Variants in DR1 observed in about 807,000 individuals in gnomAD.
DR1 encodes the protein protein Dr1.
A neutral mutation model predicts 19.9 loss-of-function variants in DR1; 7 were observed. That is an observed-to-expected ratio of 0.35 (90% confidence interval 0.20 to 0.66). DR1 has a LOEUF of 0.66. Among genes scored for constraint, DR1 ranks in the 30% least tolerant of loss-of-function variants. The probability of loss-of-function intolerance (pLI) is 0.66; values close to 1 mark genes in which losing one functional copy is unlikely to be tolerated. For missense variants in DR1, 98 were observed against 203.7 expected (o/e 0.48, Z 3.16); for synonymous variants, 76 against 72.5 (o/e 1.05, Z -0.24).
At chr1:93,356,815 G>A (rs944819294) in intron 2 of DR1, among the ~76,000 whole-genome samples, 4 of 151,210 alleles carry the variant, frequency 2.6e-5, no homozygotes, top group African/African-American at 4.9e-5. Context: ...TCCGCCTCCC[G>A]GGTTCAAGCG....
Position 93,360,682 on chromosome 1 carries a change from C to T in DR1, c.*43C>T. 6.4e-7 allele frequency: 1 copy of T among 1,559,838 alleles called. No individual in the cohort carries two copies. Among genetic ancestry groups the T allele is most frequent in the Non-Finnish European group, 8.6e-7 (1 of 1,161,808 alleles). On this transcript the variant is annotated 3_prime_UTR_variant, in exon 3 of 3. Transcript: ENST00000370272. ...TCTATTTCTTCTATAAATGTTTTTC[C>T]CTGCACAACAAAAACAGTGAAAGAA...
In DR1 at chr1:93,364,314, A is replaced by G. The variant is rs1007985240; in HGVS notation, c.*3675A>G. Reference sequence around the variant, plus strand: ...TTATTGCTCCTTAGAAAAAATGCAAATTTTAAGTAATCGTAAGTAGTATGT... The same window carrying G: ...TTATTGCTCCTTAGAAAAAATGCAAGTTTTAAGTAATCGTAAGTAGTATGT... On this transcript the variant is annotated 3_prime_UTR_variant, in exon 3 of 3. Coordinates refer to ENST00000370272, the MANE Select transcript of DR1 (RefSeq NM_001938.3). 2 of 152,204 alleles carry G rather than the reference A, an allele frequency of 1.3e-5. No homozygotes were observed. Among genetic ancestry groups the G allele is most frequent in the Admixed American group, 6.5e-5 (1 of 15,276 alleles). The allele number at this position is 152,204 out of a possible 1,614,324, so 9.4% of individuals were successfully genotyped here.
Position 93,366,157 on chromosome 1 carries a change from T to G in DR1, c.*5518T>G, listed in dbSNP as rs1667126669. On this transcript the variant is annotated 3_prime_UTR_variant, in exon 3 of 3. Coordinates refer to ENST00000370272, the MANE Select transcript of DR1 (RefSeq NM_001938.3). ...CTATGAATTGACTACTCTGGATATC[T>G]AAATGGATTCATTCTTATTTCATTT... The G allele has an allele frequency of 6.6e-6, 1 of 152,250 alleles. No homozygotes were observed. Among genetic ancestry groups the G allele is most frequent in the South Asian group, 2.1e-4 (1 of 4,836 alleles). 9.4% of individuals were successfully genotyped at this position (152,250 alleles called of 1,614,324 possible). A position where few individuals can be genotyped will look rare whatever the true frequency, so the allele number is the denominator to read the frequency against.
rs1294481579 is a variant in DR1 at position 93,361,732 on chromosome 1, T to C, written c.*1093T>C. On this transcript the variant is annotated 3_prime_UTR_variant, in exon 3 of 3. Coordinates refer to ENST00000370272, the MANE Select transcript of DR1 (RefSeq NM_001938.3). ...GCTTTAAAAAAAAGATTAGTTTTGC[T>C]TAAGAAGTTATGTTACAACTGATCA... is the stretch of plus-strand genomic sequence containing the variant. The C allele has an allele frequency of 6.6e-6, 1 of 152,506 alleles. No individual in the cohort carries two copies. Among genetic ancestry groups the C allele is most frequent in the African/African-American group, 2.4e-5 (1 of 41,462 alleles). The allele number at this position is 152,506 out of a possible 1,614,324, so 9.4% of individuals were successfully genotyped here.
rs980994083 is a variant in DR1 at position 93,367,639 on chromosome 1, T to A, written c.*7000T>A. On this transcript the variant is annotated 3_prime_UTR_variant, in exon 3 of 3. Transcript: ENST00000370272. ...AGAAACCAGAATACCCAGAGAAAAC[T>A]CATGCAGATATGTGGAGGACATGCA... 3 of 152,226 alleles carry A rather than the reference T, an allele frequency of 2.0e-5. No homozygotes were observed. Among genetic ancestry groups the A allele is most frequent in the African/African-American group, 7.2e-5 (3 of 41,440 alleles). 9.4% of individuals were successfully genotyped at this position (152,226 alleles called of 1,614,324 possible). A position where few individuals can be genotyped will look rare whatever the true frequency, so the allele number is the denominator to read the frequency against.
In DR1 at chr1:93,346,095, A is replaced by AGCGGCG; in HGVS notation, c.-546_-545insGGCGGC. On this transcript the variant is annotated 5_prime_UTR_variant, in exon 1 of 3. Coordinates refer to ENST00000370272, the MANE Select transcript of DR1 (RefSeq NM_001938.3). ...CGGCCGTCGCCGTTCCAGCAGCGGC[A>AGCGGCG]GCGGCAGCGGCAGCGGCGGACATGT... 1 of 208,350 alleles carries AGCGGCG rather than the reference A, an allele frequency of 4.8e-6. No individual in the cohort carries two copies. The highest frequency in any genetic ancestry group is 9.5e-6 in the Non-Finnish European group (1 of 104,868). The allele number at this position is 208,350 out of a possible 1,614,324, so 12.9% of individuals were successfully genotyped here. A position where few individuals can be genotyped will look rare whatever the true frequency, so the allele number is the denominator to read the frequency against.
chr1:93,353,105 C>T (rs941356855), intron 1 of DR1, among the ~76,000 whole-genome samples: 3 of 151,882 alleles, frequency 2.0e-5, no homozygotes, highest in South Asian at 2.1e-4. Context: ...ATGTTGCCCG[C>T]GGTGGTCTTG....
At position 93,362,413 on chromosome 1, in the gene DR1, T is replaced by G. The variant is rs1370332087; in HGVS notation, c.*1774T>G. ...ATTTTAAGTATATCTGTTTCTTAAG[T>G]AAACAACTTAGATATTTTCCACACC... On this transcript the variant is annotated 3_prime_UTR_variant, in exon 3 of 3. Transcript: ENST00000370272. 6.7e-6 allele frequency: 1 copy of G among 148,556 alleles called. No individual in the cohort carries two copies. Among genetic ancestry groups the G allele is most frequent in the Non-Finnish European group, 1.5e-5 (1 of 67,224 alleles). 9.2% of individuals were successfully genotyped at this position (148,556 alleles called of 1,614,324 possible).
Position 93,366,597 on chromosome 1 carries a change from A to G in DR1, c.*5958A>G, listed in dbSNP as rs1383553972. 6.6e-6 allele frequency: 1 copy of G among 152,232 alleles called. No individual in the cohort carries two copies. Among genetic ancestry groups the G allele is most frequent in the African/African-American group, 2.4e-5 (1 of 41,458 alleles). 9.4% of individuals were successfully genotyped at this position (152,232 alleles called of 1,614,324 possible). A position where few individuals can be genotyped will look rare whatever the true frequency, so the allele number is the denominator to read the frequency against. ...TAAATAAGAGTTAAGTCCCTATGGC[A>G]TATATTTCTGGTTACAAAAACACTA... On this transcript the variant is annotated 3_prime_UTR_variant, in exon 3 of 3. Transcript: ENST00000370272.
In DR1 at chr1:93,364,364, C is replaced by T. The variant is rs1667093261; in HGVS notation, c.*3725C>T. ...TTGAATTAGTATGTTGTGGGAAAAT[C>T]TGTGATTTAATTTTTTAATTGAATT... On this transcript the variant is annotated 3_prime_UTR_variant, in exon 3 of 3. Coordinates refer to ENST00000370272, the MANE Select transcript of DR1 (RefSeq NM_001938.3). The T allele has an allele frequency of 6.6e-6, 1 of 152,010 alleles. No individual in the cohort carries two copies. Among genetic ancestry groups the T allele is most frequent in the Admixed American group, 6.6e-5 (1 of 15,252 alleles). 9.4% of individuals were successfully genotyped at this position (152,010 alleles called of 1,614,324 possible).
At chr1:93,356,101 C>T (rs1666977369) in intron 2 of DR1, among the ~76,000 whole-genome samples, 2 of 151,932 alleles carry the variant, frequency 1.3e-5, no homozygotes, top group Admixed American at 1.3e-4. Context: ...TCTTTCACAC[C>T]CCAATTTTAG....
intron 1 of DR1, among the ~76,000 whole-genome samples, chr1:93,353,368 C>T (rs547724769): frequency 6.6e-6 from 1 of 152,224 alleles, no homozygotes; most frequent in South Asian, 2.1e-4. Context: ...TGTTGGCTGA[C>T]TATAAGTGCT....
intron 1 of DR1, among the ~76,000 whole-genome samples, chr1:93,347,879 A>G (rs1432262299): frequency 1.3e-5 from 2 of 152,072 alleles, no homozygotes; most frequent in Non-Finnish European, 2.9e-5. Context: ...CTTTTGTAAT[A>G]ATCTAATTAA....
chr1:93,360,871 G>T lies in DR1; in HGVS notation c.*232G>T. On this transcript the variant is annotated 3_prime_UTR_variant, in exon 3 of 3. Transcript: ENST00000370272. The stretch of plus-strand genomic sequence containing the variant: ...ATAATATCAATTTTGAATTTTTAAT[G>T]GTGTTTATGAAATTTTAGATAGCAG... 4.7e-6 allele frequency: 2 copies of T among 427,712 alleles called. No homozygotes were observed. Among genetic ancestry groups the T allele is most frequent in the African/African-American group, 2.1e-5 (1 of 47,950 alleles). 26.5% of individuals were successfully genotyped at this position (427,712 alleles called of 1,614,324 possible). A position where few individuals can be genotyped will look rare whatever the true frequency, so the allele number is the denominator to read the frequency against.
At chr1:93,359,842 T>C (rs1667032252) in intron 2 of DR1, among the ~76,000 whole-genome samples, 1 of 152,130 alleles carries the variant, frequency 6.6e-6, no homozygotes, top group Non-Finnish European at 1.5e-5. Context: ...TTTACTAGTG[T>C]GTATACGGGA....
rs1017383825 is a variant in DR1 at position 93,345,943 on chromosome 1, C to A, written c.-703C>A. The A allele has an allele frequency of 6.5e-6, 1 of 152,698 alleles. No homozygotes were observed. The highest frequency in any genetic ancestry group is 1.5e-5 in the Non-Finnish European group (1 of 68,258). 9.5% of individuals were successfully genotyped at this position (152,698 alleles called of 1,614,324 possible). ...CGGGAGCGGCTTCCTGCAAACCTTC[C>A]CTGGCATCTGGAGGGACCACCGTTG... is the stretch of plus-strand genomic sequence containing the variant. On this transcript the variant is annotated 5_prime_UTR_variant, in exon 1 of 3. Transcript: ENST00000370272.
At position 93,368,335 on chromosome 1, in the gene DR1, A is replaced by G. The variant is rs1177794736; in HGVS notation, c.*7696A>G. The stretch of plus-strand genomic sequence containing the variant: ...CCTTTGTATATTTTATATGAATAGC[A>G]CTTGTCACTAACATAGAAAGCAGTA... On this transcript the variant is annotated 3_prime_UTR_variant, in exon 3 of 3. Transcript: ENST00000370272. The G allele has an allele frequency of 6.6e-6, 1 of 152,240 alleles. No homozygotes were observed. Among genetic ancestry groups the G allele is most frequent in the Non-Finnish European group, 1.5e-5 (1 of 68,042 alleles). 9.4% of individuals were successfully genotyped at this position (152,240 alleles called of 1,614,324 possible). A position where few individuals can be genotyped will look rare whatever the true frequency, so the allele number is the denominator to read the frequency against.
chr1:93,358,110 C>T (rs1013573788), intron 2 of DR1, among the ~76,000 whole-genome samples: 12 of 151,908 alleles, frequency 7.9e-5, no homozygotes, highest in Non-Finnish European at 1.6e-4. Flanking sequence ...CCTCTCTCTA[C>T]AAAAATAGAA....
Position 93,363,633 on chromosome 1 carries a change from C to T in DR1, c.*2994C>T, listed in dbSNP as rs956340398. ...TCTTTCCCTGCCTCTAAGTTTAGGGCTCACCTGCATAAAGCAGGGATAATC... is the reference window on the plus strand; with the variant it reads ...TCTTTCCCTGCCTCTAAGTTTAGGGTTCACCTGCATAAAGCAGGGATAATC... On this transcript the variant is annotated 3_prime_UTR_variant, in exon 3 of 3. Coordinates refer to ENST00000370272, the MANE Select transcript of DR1 (RefSeq NM_001938.3). 2.6e-5 allele frequency: 4 copies of T among 152,284 alleles called. No individual in the cohort carries two copies. Among genetic ancestry groups the T allele is most frequent in the Middle Eastern group, 3.4e-3 (1 of 294 alleles). 9.4% of individuals were successfully genotyped at this position (152,284 alleles called of 1,614,324 possible).
Sources: allele counts gnomAD v4.1 joint callset (sites outside exome capture counted in the v4.1 genomes callset), GRCh38; gene constraint gnomAD v4.1.1; transcripts MANE v1.5; gene names NCBI Gene and HGNC (gene_info 2026-07-23, HGNC 2026-07-21).